KAZN: variants seen among roughly 807,000 people sequenced by gnomAD.
KAZN encodes kazrin.
A neutral mutation model predicts 87.4 loss-of-function variants in KAZN; 40 were observed. The ratio of observed to expected loss-of-function variants is 0.46; its 90% CI spans 0.36 to 0.60. KAZN has a LOEUF of 0.60. Ranked by LOEUF, KAZN falls within the 20% of genes least tolerant of loss-of-function variation. KAZN has a pLI of 0.00. For missense variants in KAZN, 898 were observed against 1,073.9 expected, an observed-to-expected ratio of 0.84 and a Z score of 2.29; for synonymous variants, 466 against 458.3, an observed-to-expected ratio of 1.02 and a Z score of -0.22.
At chr1:14,450,135 G>A (rs1350056098) in intron 2 of KAZN, among the ~76,000 whole-genome samples, 3 of 152,048 alleles carry the variant, frequency 2.0e-5, no homozygotes, top group Admixed American at 6.6e-5. Context: ...CCCGCCTGCA[G>A]TCTCTCTCTG....
chr1:14,847,346 T>A (rs1648906887), intron 1 of KAZN, among the ~76,000 whole-genome samples: 1 of 152,146 alleles, frequency 6.6e-6, no homozygotes, highest in South Asian at 2.1e-4. Flanking sequence ...AGCCGAGGCC[T>A]GTGAAGAACA....
chr1:14,126,035 T>A (rs1365748032), intron 1 of KAZN, among the ~76,000 whole-genome samples: 1 of 151,818 alleles, frequency 6.6e-6, no homozygotes, highest in Non-Finnish European at 1.5e-5. Context: ...TTAGGGTTTG[T>A]TGTAAGTGGA....
chr1:14,810,147 A>G lies in KAZN; in HGVS notation c.227-150537A>G, dbSNP rs116225664. Among the ~76,000 whole-genome samples, 476 of 152,260 alleles carry G rather than the reference A, an allele frequency of 3.1e-3. 3 individuals carry two copies. Among genetic ancestry groups the G allele is most frequent in the African/African-American group, 0.011 (442 of 41,542 alleles). The stretch of plus-strand genomic sequence containing the variant: ...TGATAATCACTAATCATTATTGATC[A>G]ATATTCATGATTATTAATCAGCCCC... On this transcript the variant is annotated intron_variant, in intron 1 of 14. Coordinates refer to ENST00000376030, the MANE Select transcript of KAZN (RefSeq NM_201628.3).
chr1:15,000,829 T>C (rs550437845), intron 2 of KAZN, among the ~76,000 whole-genome samples: 1 of 152,072 alleles, frequency 6.6e-6, no homozygotes, highest in East Asian at 1.9e-4. Flanking sequence ...TTTGGCCGGG[T>C]GCAGTGGCTC....
rs1286183162 is a variant in KAZN, at chr1:14,436,725, A to AC, written c.250-162258_250-162257insC. 4.1e-4 allele frequency among the ~76,000 whole-genome samples: 53 copies of AC among 128,698 alleles called. 1 individual carries two copies. The highest frequency in any genetic ancestry group is 6.2e-4 in the African/African-American group (20 of 32,072). The allele number at this position is 128,698 out of a possible 152,430, so 84.4% of individuals were successfully genotyped here. A position where few individuals can be genotyped will look rare whatever the true frequency, so the allele number is the denominator to read the frequency against. ...AGAGCGAGACTCTGTCTCAAAAAAA[A>AC]AAAAAAAAAAAAACCTTAAAACAAT... On this transcript the variant is annotated intron_variant, in intron 2 of 16. Coordinates refer to the KAZN transcript ENST00000636203.
chr1:14,007,230 C>T (rs749189938), intron 1 of KAZN, among the ~76,000 whole-genome samples: 4 of 152,100 alleles, frequency 2.6e-5, no homozygotes, highest in South Asian at 2.1e-4. Flanking sequence ...AAAGTTCTTT[C>T]GTATATATGT....
At chr1:13,901,144 G>A (rs1421167052) in intron 1 of KAZN, among the ~76,000 whole-genome samples, 6 of 151,668 alleles carry the variant, frequency 4.0e-5, no homozygotes, top group East Asian at 3.9e-4. Flanking sequence ...GCCACCCCCC[G>A]TCCCCTCCAA....
In KAZN at chr1:14,394,488, G is replaced by A. The variant is rs72869095; in HGVS notation, c.250-204495G>A. 8.4e-3 allele frequency among the ~76,000 whole-genome samples: 1,280 copies of A among 152,310 alleles called. 14 individuals carry two copies. Among genetic ancestry groups the A allele is most frequent in the African/African-American group, 0.028 (1,179 of 41,554 alleles). On this transcript the variant is annotated intron_variant, in intron 2 of 16. Transcript: ENST00000636203. Reference sequence around the variant, plus strand: ...CAACATTATGTAATAATAAGTGATGGTATTTGGTTGATACTTTTATCATTT... The same window carrying A: ...CAACATTATGTAATAATAAGTGATGATATTTGGTTGATACTTTTATCATTT...
intron 1 of KAZN, among the ~76,000 whole-genome samples, chr1:14,730,601 CA>C (rs891747818): frequency 6.6e-6 from 1 of 152,168 alleles, no homozygotes; most frequent in African/African-American, 2.4e-5. Flanking sequence ...GATGCAAGCA[CA>C]GGGAGTCTGA....
At chr1:14,009,081 G>T (rs939379312) in intron 1 of KAZN, among the ~76,000 whole-genome samples, 7 of 152,086 alleles carry the variant, frequency 4.6e-5, no homozygotes, top group African/African-American at 1.7e-4. Context: ...TTTGTGACTG[G>T]CTTATTTCAC....
chr1:14,163,737 C>T (rs551434034), intron 1 of KAZN, among the ~76,000 whole-genome samples: 1 of 152,298 alleles, frequency 6.6e-6, no homozygotes, highest in East Asian at 1.9e-4. Context: ...GCGTGGAGGC[C>T]CTCTCCTGCC....
intron 2 of KAZN, among the ~76,000 whole-genome samples, chr1:14,300,463 T>G (rs762064549): frequency 6.6e-6 from 1 of 152,056 alleles, no homozygotes; most frequent in Non-Finnish European, 1.5e-5. Flanking sequence ...CTCAAACTCT[T>G]GGGCTCAAGG....
intron 1 of KAZN, among the ~76,000 whole-genome samples, chr1:14,790,010 C>CTT (rs534170851): frequency 1.3e-5 from 2 of 148,290 alleles, no homozygotes; most frequent in Non-Finnish European, 3.0e-5. Context: ...TTTCTTTTTT[C>CTT]TTTTTTTTTG....
intron 1 of KAZN, among the ~76,000 whole-genome samples, chr1:14,176,792 T>G (rs1193481782): frequency 6.6e-6 from 1 of 152,236 alleles, no homozygotes. Context: ...TTTTTAGGGA[T>G]TAATCGAGGA....
At chr1:14,292,552 G>C (rs1653790617) in intron 2 of KAZN, among the ~76,000 whole-genome samples, 1 of 152,168 alleles carries the variant, frequency 6.6e-6, no homozygotes, top group African/African-American at 2.4e-5. Flanking sequence ...GAAGGCAGGT[G>C]CAGTGCTGAT....
chr1:14,529,291 C>T lies in KAZN; in HGVS notation c.250-69692C>T, dbSNP rs536033407. Among the ~76,000 whole-genome samples the T allele has an allele frequency of 9.9e-5, 15 of 152,202 alleles. No individual in the cohort carries two copies. In the South Asian group the frequency reaches 2.7e-3, roughly 27 times the overall value. On this transcript the variant is annotated intron_variant, in intron 2 of 16. Transcript: ENST00000636203. Reference sequence around the variant, plus strand: ...TGCACCCCAGCCTCGGTGACAAGAGCGAGTCTTCATCTAAAAAATAAATAA... The same window carrying T: ...TGCACCCCAGCCTCGGTGACAAGAGTGAGTCTTCATCTAAAAAATAAATAA...
At chr1:14,450,612 A>G (rs1263036175) in intron 2 of KAZN, among the ~76,000 whole-genome samples, 2 of 151,966 alleles carry the variant, frequency 1.3e-5, no homozygotes, top group Non-Finnish European at 2.9e-5. Context: ...AAAAAACAAC[A>G]ACAGCAAAAC....
At chr1:14,873,514 A>G (rs1248824818) in intron 1 of KAZN, among the ~76,000 whole-genome samples, 3 of 152,208 alleles carry the variant, frequency 2.0e-5, no homozygotes, top group Non-Finnish European at 4.4e-5. Context: ...AAAAGCAGAG[A>G]GAACAGAAGA....
rs183523794 is a variant in KAZN, at chr1:14,283,494, C to G, written c.249+102902C>G. Among the ~76,000 whole-genome samples, 10 of 152,284 alleles carry G rather than the reference C, an allele frequency of 6.6e-5. No homozygotes were observed. The East Asian group carries it at 1.9e-3, about 29-fold the overall frequency. On this transcript the variant is annotated intron_variant, in intron 2 of 16. Coordinates refer to the KAZN transcript ENST00000636203. ...GCCAATAAATGTATGAAAAGATGCT[C>G]AACATCGTTAACTATCAGGGAAATG...
Sources: gnomAD v4.1 joint callset for allele counts (sites outside exome capture counted in the v4.1 genomes callset) on GRCh38, gnomAD v4.1.1 for gene constraint, MANE v1.5 for transcripts, NCBI Gene and HGNC (gene_info 2026-07-23, HGNC 2026-07-21) for gene names.